DNAJC5: variants seen among roughly 807,000 people sequenced by gnomAD.
The protein encoded by DNAJC5 is DnaJ heat shock protein family (Hsp40) member C5, also known as dnaJ homolog subfamily C member 5.
A neutral mutation model predicts 23.2 loss-of-function variants in DNAJC5; 1 was observed. The ratio of observed to expected loss-of-function variants is 0.04; its 90% CI spans 0.02 to 0.20. DNAJC5 has a LOEUF of 0.20. Among genes scored for constraint, DNAJC5 ranks in the 10% least tolerant of loss-of-function variants. The probability of loss-of-function intolerance (pLI) is 1.00; values close to 1 mark genes in which losing one functional copy is unlikely to be tolerated. For synonymous variants in DNAJC5, 136 were observed against 120.0 expected (o/e 1.13, Z -0.87); for missense variants, 180 against 267.0 (o/e 0.67, Z 2.27).
intron 1 of DNAJC5, among the ~76,000 whole-genome samples, chr20:63,899,079 A>G (rs1360785061): frequency 6.6e-6 from 1 of 152,154 alleles, no homozygotes; most frequent in African/African-American, 2.4e-5. Flanking sequence ...TGTGACTCTG[A>G]GCCTCTGCGT....
At chr20:63,899,947 G>A (rs909661219) in intron 1 of DNAJC5, among the ~76,000 whole-genome samples, 1 of 145,728 alleles carries the variant, frequency 6.9e-6, no homozygotes, top group African/African-American at 2.6e-5. Flanking sequence ...TGAGTACAAC[G>A]GTACGGTTTC....
At chr20:63,907,268 C>T (rs1328050221) in intron 1 of DNAJC5, among the ~76,000 whole-genome samples, 1 of 152,132 alleles carries the variant, frequency 6.6e-6, no homozygotes, top group African/African-American at 2.4e-5. Context: ...ACTTTGATTT[C>T]AGTTACAGCC....
chr20:63,931,609 GCCA>G lies in DNAJC5; in HGVS notation c.*43_*45del. 6.6e-7 allele frequency: 1 copy of G among 1,509,140 alleles called. No homozygotes were observed. Among genetic ancestry groups the G allele is most frequent in the East Asian group, 2.4e-5 (1 of 40,886 alleles). The allele number at this position is 1,509,140 out of a possible 1,614,324, so 93.5% of individuals were successfully genotyped here. On this transcript the variant is annotated 3_prime_UTR_variant, in exon 5 of 5. Transcript: ENST00000360864. This position sits in a 1 kb window ranked among gnomAD's most constrained non-coding sequence, Gnocchi z 9.6. ...TGGTCAGAGGAGGAGCCGGCGCCTG[GCCA>G]CGCCAACCTTAGAATCATGAACTGT...
intron 1 of DNAJC5, among the ~76,000 whole-genome samples, chr20:63,902,387 C>T (rs1245870447): frequency 3.5e-5 from 3 of 85,750 alleles, no homozygotes; most frequent in Non-Finnish European, 6.3e-5. Context: ...TTTTTTGAGA[C>T]GGAGTTTCAC....
chr20:63,906,185 A>G (rs772400857), intron 1 of DNAJC5, among the ~76,000 whole-genome samples: 6 of 152,226 alleles, frequency 3.9e-5, no homozygotes, highest in Non-Finnish European at 8.8e-5. Flanking sequence ...TACTTATTTT[A>G]CTTTTATTTA....
At chr20:63,925,424 A>C (rs1163091829) in intron 1 of DNAJC5, among the ~76,000 whole-genome samples, 1 of 152,204 alleles carries the variant, frequency 6.6e-6, no homozygotes, top group African/African-American at 2.4e-5. Flanking sequence ...CAGAGATTGC[A>C]GTGAACTGAG....
At position 63,928,525 on chromosome 20, in the gene DNAJC5, T is replaced by A; in HGVS notation, c.107+73T>A. ...GCCCCGTGTGGTTTAGTCTGCATTT[T>A]ACCAAGAACCATTGCACATACTTTA... On this transcript the variant is annotated intron_variant, in intron 2 of 4. Transcript: ENST00000360864. This position sits in a 1 kb window ranked among gnomAD's most constrained non-coding sequence, Gnocchi z 4.6. 7.8e-7 allele frequency: 1 copy of A among 1,287,378 alleles called. No homozygotes were observed. Among genetic ancestry groups the A allele is most frequent in the Non-Finnish European group, 1.1e-6 (1 of 886,322 alleles). 79.7% of individuals were successfully genotyped at this position (1,287,378 alleles called of 1,614,324 possible).
chr20:63,902,309 C>T (rs906301194), intron 1 of DNAJC5, among the ~76,000 whole-genome samples: 1 of 151,378 alleles, frequency 6.6e-6, no homozygotes, highest in Non-Finnish European at 1.5e-5. Flanking sequence ...CCAGCTCGGC[C>T]TCCGAAAGTG....
chr20:63,932,085 C>A lies in DNAJC5; in HGVS notation c.*517C>A, dbSNP rs1286835310. The A allele has an allele frequency of 4.9e-6, 1 of 205,034 alleles. No homozygotes were observed. The highest frequency in any genetic ancestry group is 5.3e-5 in the Admixed American group (1 of 18,948). The allele number at this position is 205,034 out of a possible 1,614,324, so 12.7% of individuals were successfully genotyped here. Reference sequence around the variant, plus strand: ...AGGCTGCAGTAGGACTCTGATCTCACCTGCCAGAAGAGAGGCGGGGCCGCG... The same window carrying A: ...AGGCTGCAGTAGGACTCTGATCTCAACTGCCAGAAGAGAGGCGGGGCCGCG... On this transcript the variant is annotated 3_prime_UTR_variant, in exon 5 of 5. Transcript: ENST00000360864. This position sits in a 1 kb window ranked among gnomAD's most constrained non-coding sequence, Gnocchi z 4.4.
Position 63,930,441 on chromosome 20 carries a change from G to A in DNAJC5, c.322-410G>A, listed in dbSNP as rs1413376512. ...TGGCTCACTGCAAGCTCCACCTCCCGGGTTCACGCCATTCTCCTGCCTCTG... is the reference window on the plus strand; with the variant it reads ...TGGCTCACTGCAAGCTCCACCTCCCAGGTTCACGCCATTCTCCTGCCTCTG... On this transcript the variant is annotated intron_variant, in intron 3 of 4. Transcript: ENST00000360864. Among the ~76,000 whole-genome samples the A allele has an allele frequency of 2.6e-5, 4 of 152,114 alleles. No homozygotes were observed. The East Asian group carries it at 5.8e-4, about 22-fold the overall frequency.
chr20:63,909,851 G>A (rs754057548), intron 1 of DNAJC5, among the ~76,000 whole-genome samples: 3 of 152,238 alleles, frequency 2.0e-5, no homozygotes, highest in Admixed American at 6.5e-5. Context: ...GGGCCAGGGC[G>A]TGCACCAGAC....
intron 1 of DNAJC5, among the ~76,000 whole-genome samples, chr20:63,903,304 A>G (rs2053426656): frequency 6.6e-6 from 1 of 152,076 alleles, no homozygotes; most frequent in Non-Finnish European, 1.5e-5. Context: ...GCACCACCTC[A>G]CTGACTCACC....
At chr20:63,899,549 A>G (rs530825339) in intron 1 of DNAJC5, among the ~76,000 whole-genome samples, 1 of 152,396 alleles carries the variant, frequency 6.6e-6, no homozygotes, top group East Asian at 1.9e-4. Context: ...TTGATATTTC[A>G]AATTGAAATT....
chr20:63,908,123 C>T (rs2053459119), intron 1 of DNAJC5, among the ~76,000 whole-genome samples: 1 of 152,174 alleles, frequency 6.6e-6, no homozygotes, highest in Admixed American at 6.5e-5. Flanking sequence ...GCACCTTATA[C>T]TTGGTTGCAT....
At chr20:63,925,824 G>C (rs1229090119) in intron 1 of DNAJC5, among the ~76,000 whole-genome samples, 2 of 136,826 alleles carry the variant, frequency 1.5e-5, no homozygotes, top group Non-Finnish European at 3.0e-5. Context: ...AATTTTATCT[G>C]GTTTTTTTTT....
rs2053648363 is a variant in DNAJC5, at chr20:63,929,684, A to ACCCGAGTCACTCCTGCCATGCGGGCG, written c.321+176_321+177insATGCGGGCGCCCGAGTCACTCCTGCC. 1.0e-5 allele frequency among the ~76,000 whole-genome samples: 1 copy of ACCCGAGTCACTCCTGCCATGCGGGCG among 98,046 alleles called. No homozygotes were observed. The highest frequency in any genetic ancestry group is 4.9e-5 in the African/African-American group (1 of 20,284). 64.3% of individuals were successfully genotyped at this position (98,046 alleles called of 152,430 possible). On this transcript the variant is annotated intron_variant, in intron 3 of 4. Coordinates refer to ENST00000360864, the MANE Select transcript of DNAJC5 (RefSeq NM_025219.3). This position sits in a 1 kb window ranked among gnomAD's most constrained non-coding sequence, Gnocchi z 8.6. ...CCCGAGTCTCTCCTGCCGTGCGGGC[A>ACCCGAGTCACTCCTGCCATGCGGGCG]CCCGAGTCACTCCTGCCGTGCGGGC...
chr20:63,905,717 G>A (rs1485561114), intron 1 of DNAJC5, among the ~76,000 whole-genome samples: 5 of 151,052 alleles, frequency 3.3e-5, no homozygotes, highest in Admixed American at 2.0e-4. Context: ...TTATAGGGGC[G>A]TGCCACCCTG....
intron 1 of DNAJC5, among the ~76,000 whole-genome samples, chr20:63,902,199 C>T (rs1209040723): frequency 4.0e-5 from 6 of 151,584 alleles, no homozygotes; most frequent in Non-Finnish European, 8.8e-5. Flanking sequence ...GGACTACAGG[C>T]GCCCGCCACC....
At chr20:63,905,569 T>A (rs914037237) in intron 1 of DNAJC5, among the ~76,000 whole-genome samples, 1 of 119,004 alleles carries the variant, frequency 8.4e-6, no homozygotes, top group Non-Finnish European at 1.9e-5. Flanking sequence ...ACATGGCAGA[T>A]TTTTTTTTTT....
Sources: gnomAD v4.1 joint callset for allele counts (sites outside exome capture counted in the v4.1 genomes callset) on GRCh38, gnomAD v4.1.1 for gene constraint, Gnocchi (gnomAD v3.1) non-coding constraint, MANE v1.5 for transcripts, NCBI Gene and HGNC (gene_info 2026-07-23, HGNC 2026-07-21) for gene names.